The following CEP170B variants were observed in gnomAD, a reference collection of about 807,000 sequenced individuals.
CEP170B encodes centrosomal protein 170B.
CEP170B carries 55 observed loss-of-function variants against 120.6 expected under a neutral mutation model. The ratio of observed to expected loss-of-function variants is 0.46; its 90% CI spans 0.37 to 0.57. CEP170B has a LOEUF of 0.57. Among genes scored for constraint, CEP170B ranks in the 20% least tolerant of loss-of-function variants. The pLI is 0.00. For missense variants in CEP170B, 2,212 were observed against 2,253.3 expected (o/e 0.98, Z 0.37); for synonymous variants, 1,033 against 954.5 (o/e 1.08, Z -1.52).
chr14:104,877,857 C>A (rs762764595), intron 3 of CEP170B, 28 bp from the exon 4 acceptor site: 7 of 906,194 alleles, frequency 7.7e-6, no homozygotes, highest in East Asian at 3.8e-5. Flanking sequence ...CAGCTCCCCC[C>A]CCCCCCCCGC....
At position 104,886,131 on chromosome 14, in the gene CEP170B, G is replaced by A; in HGVS notation, c.2035+1G>A. 6.5e-7 allele frequency: 1 copy of A among 1,535,310 alleles called. No individual in the cohort carries two copies. Among genetic ancestry groups the A allele is most frequent in the Non-Finnish European group, 8.8e-7 (1 of 1,141,908 alleles). On this transcript the variant is annotated splice_donor_variant, in intron 11 of 18. Coordinates refer to ENST00000414716, the MANE Select transcript of CEP170B (RefSeq NM_001112726.3). LOFTEE classifies it high-confidence loss of function. ...AGCTACTCAGACCCGGGCCTCACAG[G>A]TAAGTGGCTCCAGTGCTGCGGGGGA...
In CEP170B at chr14:104,895,086, C is replaced by CGT; in HGVS notation, c.*129_*130insTG. 1 of 1,119,888 alleles carries CGT rather than the reference C, an allele frequency of 8.9e-7. No individual in the cohort carries two copies. Among genetic ancestry groups the CGT allele is most frequent in the Non-Finnish European group, 1.2e-6 (1 of 813,520 alleles). 69.4% of individuals were successfully genotyped at this position (1,119,888 alleles called of 1,614,324 possible). Reference sequence around the variant, plus strand: ...CCCACATGTGCCATATCCCTGTGGGCGGGTGCCTCCCACGCCCTTGCCCCC... The same window carrying CGT: ...CCCACATGTGCCATATCCCTGTGGGCGTGGGTGCCTCCCACGCCCTTGCCCCC... On this transcript the variant is annotated 3_prime_UTR_variant, in exon 19 of 19. Coordinates refer to ENST00000414716, the MANE Select transcript of CEP170B (RefSeq NM_001112726.3).
At chr14:104,880,093 C>T (rs1896066244) in intron 5 of CEP170B, among the ~76,000 whole-genome samples, 194 bp from the exon 6 acceptor site, 1 of 152,300 alleles carries the variant, frequency 6.6e-6, no homozygotes, top group East Asian at 1.9e-4. Flanking sequence ...CCTCCCCAGG[C>T]TTGAGCTGGA....
Position 104,894,731 on chromosome 14 carries a change from C to G in CEP170B, c.4438C>G (p.Pro1480Ala). The G allele has an allele frequency of 6.3e-7, 1 of 1,589,698 alleles. No homozygotes were observed. The highest frequency in any genetic ancestry group is 8.6e-7 in the Non-Finnish European group (1 of 1,166,800). Residue 1480 changes from proline to alanine, a missense_variant, in exon 19 of 19, where the codon CCC becomes GCC. This residue lies in a region of CEP170B where 2,166 missense variants were observed against 2,166.7 expected (regional missense o/e 1.00). Coordinates refer to ENST00000414716, the MANE Select transcript of CEP170B (RefSeq NM_001112726.3). ...QLEVINAIVD[P>A]SGSLDLLTGN... is the part of the protein sequence containing the mutation. ...TCCAGTTATCAATGCCATCGTGGAC[C>G]CCAGTGGGAGCCTGGACCTGCTCAC...
In CEP170B at chr14:104,883,020, A is replaced by G; in HGVS notation, c.578-15A>G. ...TTACCCTGAGGCCCGGTCTGAAGACATCTTCCCACACCAGAGCGCCCCAAG... is the reference window on the plus strand; with the variant it reads ...TTACCCTGAGGCCCGGTCTGAAGACGTCTTCCCACACCAGAGCGCCCCAAG... On this transcript the variant is annotated splice_polypyrimidine_tract_variant and intron_variant, in intron 7 of 18. Coordinates refer to ENST00000414716, the MANE Select transcript of CEP170B (RefSeq NM_001112726.3). The G allele has an allele frequency of 6.7e-7, 1 of 1,496,176 alleles. No individual in the cohort carries two copies. The highest frequency in any genetic ancestry group is 8.9e-7 in the Non-Finnish European group (1 of 1,122,320). The allele number at this position is 1,496,176 out of a possible 1,614,324, so 92.7% of individuals were successfully genotyped here. A position where few individuals can be genotyped will look rare whatever the true frequency, so the allele number is the denominator to read the frequency against.
In CEP170B at chr14:104,872,423, CCGTGCGTGTGTG is replaced by C. The variant is rs1566852634; in HGVS notation, c.106-3828_106-3817del. Among the ~76,000 whole-genome samples, 399 of 59,242 alleles carry C rather than the reference CCGTGCGTGTGTG, an allele frequency of 6.7e-3. 13 individuals carry two copies. Among genetic ancestry groups the C allele is most frequent in the Middle Eastern group, 0.034 (2 of 58 alleles). 38.9% of individuals were successfully genotyped at this position (59,242 alleles called of 152,430 possible). ...TGTGCGTGGGTGTGCCGTGGGTGTG[CCGTGCGTGTGTG>C]CGTGTGTGTGCCATGTGTGTGCGTG... On this transcript the variant is annotated intron_variant, in intron 2 of 18. Transcript: ENST00000414716.
At position 104,887,562 on chromosome 14, in the gene CEP170B, C is replaced by T. The variant is rs369455823; in HGVS notation, c.3323C>T (p.Ala1108Val). 3.7e-6 allele frequency: 6 copies of T among 1,601,752 alleles called. No individual in the cohort carries two copies. In the African/African-American group the frequency reaches 8.0e-5, roughly 21 times the overall value. The part of the protein sequence containing the change: ...SSASSQKGPQ[A>V]LTRSNSLSTP... ...GCCAGCTCCCAGAAGGGGCCGCAGGCCTTGACCCGCTCCAACAGCCTGTCC... is the reference window on the plus strand; with the variant it reads ...GCCAGCTCCCAGAAGGGGCCGCAGGTCTTGACCCGCTCCAACAGCCTGTCC... The change falls in exon 12 of 19, where the codon GCC becomes GTC. Residue 1108 changes from alanine to valine, a missense_variant. Physicochemically the swap from Ala to Val is moderately conservative, Grantham distance 64 (BLOSUM62 0). Around this residue, in one of 2 missense-constraint regions of CEP170B, gnomAD observed 2,166 missense variants for 2,166.7 expected, o/e 1.00. Coordinates refer to ENST00000414716, the MANE Select transcript of CEP170B (RefSeq NM_001112726.3).
rs777670817 is a variant in CEP170B, at chr14:104,887,016, C to G, written c.2777C>G (p.Ala926Gly). ...ETETALAALE[A>G]RLLSNSVDAE... ...GAGACGGCCCTGGCGGCCCTGGAGG[C>G]CCGACTCCTCTCTAATTCTGTGGAT... Residue 926 changes from alanine to glycine, a missense_variant, in exon 12 of 19, where the codon GCC becomes GGC. Around this residue, in one of 2 missense-constraint regions of CEP170B, gnomAD observed 2,166 missense variants for 2,166.7 expected, o/e 1.00. Transcript: ENST00000414716. The G allele has an allele frequency of 1.2e-6, 2 of 1,610,356 alleles. No homozygotes were observed. The highest frequency in any genetic ancestry group is 2.7e-5 in the African/African-American group (2 of 74,944).
At position 104,894,827 on chromosome 14, in the gene CEP170B, C is replaced by A; in HGVS notation, c.4534C>A (p.Pro1512Thr). 1 of 1,607,234 alleles carries A rather than the reference C, an allele frequency of 6.2e-7. No homozygotes were observed. Among genetic ancestry groups the A allele is most frequent in the East Asian group, 2.2e-5 (1 of 44,710 alleles). The change falls in exon 19 of 19, where the codon CCC (proline) becomes ACC (threonine). Residue 1512 changes from proline to threonine, a missense_variant. By Grantham distance (38) the Pro-to-Thr change is conservative. Coordinates refer to ENST00000414716, the MANE Select transcript of CEP170B (RefSeq NM_001112726.3). ...GKGRVAAQSPPSPASAEALLP... is the reference protein window; with the variant it reads ...GKGRVAAQSPTSPASAEALLP... Reference sequence around the variant, plus strand: ...GGGCCGCGTGGCTGCCCAGAGCCCACCCTCACCCGCCTCAGCCGAGGCCCT... The same window carrying A: ...GGGCCGCGTGGCTGCCCAGAGCCCAACCTCACCCGCCTCAGCCGAGGCCCT...
chr14:104,886,169 C>G (rs908265598), intron 11 of CEP170B, 39 bp downstream of exon 11: 1 of 1,493,204 alleles, frequency 6.7e-7, no homozygotes, highest in East Asian at 2.5e-5. Flanking sequence ...CGGGCCAGGC[C>G]GGGGCGGGCC....
Position 104,891,071 on chromosome 14 carries a change from A to AGAGTGAG in CEP170B, c.3878+1313_3878+1314insGAGTGAG, listed in dbSNP as rs1896837788. ...GATGAGTGGGTGGGTGGATGGATGG[A>AGAGTGAG]TGGATGGATGGAGAGTGAGTGGGTG... On this transcript the variant is annotated intron_variant, in intron 13 of 18. Transcript: ENST00000414716. The surrounding 1 kb of genome is among the most constrained non-coding windows in gnomAD (Gnocchi z 4.3). Among the ~76,000 whole-genome samples, 4 of 135,098 alleles carry AGAGTGAG rather than the reference A, an allele frequency of 3.0e-5. No individual in the cohort carries two copies. The South Asian group carries it at 1.1e-3, about 36-fold the overall frequency. The allele number at this position is 135,098 out of a possible 152,430, so 88.6% of individuals were successfully genotyped here.
rs765918822 is a variant in CEP170B at position 104,887,514 on chromosome 14, G to T, written c.3275G>T (p.Arg1092Leu). ...PAAPPPSPAAREEQSRSSASS... is the reference protein window; with the variant it reads ...PAAPPPSPAALEEQSRSSASS... ...GCCCCACCGCCATCCCCAGCTGCCC[G>T]GGAGGAGCAGAGCCGTAGCTCAGCC... Residue 1092 changes from arginine to leucine, a missense_variant, in exon 12 of 19, where the codon CGG (arginine) becomes CTG (leucine). Arg to Leu is a moderately radical substitution (Grantham distance 102). Coordinates refer to ENST00000414716, the MANE Select transcript of CEP170B (RefSeq NM_001112726.3). The T allele has an allele frequency of 1.2e-6, 2 of 1,611,548 alleles. No homozygotes were observed. The highest frequency in any genetic ancestry group is 1.7e-6 in the Non-Finnish European group (2 of 1,179,560).
chr14:104,868,397 C>G lies in CEP170B; in HGVS notation c.-27-27C>G. 2 of 1,490,008 alleles carry G rather than the reference C, an allele frequency of 1.3e-6. No homozygotes were observed. The highest frequency in any genetic ancestry group is 1.2e-5 in the South Asian group (1 of 82,312). 92.3% of individuals were successfully genotyped at this position (1,490,008 alleles called of 1,614,324 possible). A position where few individuals can be genotyped will look rare whatever the true frequency, so the allele number is the denominator to read the frequency against. ...GGGCTAAGAACCAGGCCAGGGAGCC[C>G]CACTCTAACAATCCCCTCTTCCCCA... On this transcript the variant is annotated intron_variant, in intron 1 of 18. Transcript: ENST00000414716. The surrounding 1 kb of genome is among the most constrained non-coding windows in gnomAD (Gnocchi z 5.9).
chr14:104,890,989 G>GGA (rs1896831318), intron 13 of CEP170B, among the ~76,000 whole-genome samples: 6 of 93,828 alleles, frequency 6.4e-5, no homozygotes, highest in Admixed American at 1.1e-4. Flanking sequence ...GGATGGATGG[G>GGA]TGGGTGGGTG....
At chr14:104,874,792 A>C (rs1259565258) in intron 2 of CEP170B, among the ~76,000 whole-genome samples, 4 of 138,688 alleles carry the variant, frequency 2.9e-5, no homozygotes, top group African/African-American at 1.1e-4. Flanking sequence ...GGCTTGAGCC[A>C]GGCACCCAGG....
chr14:104,891,023 GTGGA>G lies in CEP170B; in HGVS notation c.3878+1288_3878+1291del, dbSNP rs796943744. On this transcript the variant is annotated intron_variant, in intron 13 of 18. Coordinates refer to ENST00000414716, the MANE Select transcript of CEP170B (RefSeq NM_001112726.3). The surrounding 1 kb of genome is among the most constrained non-coding windows in gnomAD (Gnocchi z 4.3). ...TGTGGATGGATGGATGAGTGGGTGGGTGGATGGATGGATGGATGGATGGATGAGT... is the reference window on the plus strand; with the variant it reads ...TGTGGATGGATGGATGAGTGGGTGGGTGGATGGATGGATGGATGGATGAGT... Among the ~76,000 whole-genome samples the G allele has an allele frequency of 3.6e-4, 42 of 118,294 alleles. No individual in the cohort carries two copies. Among genetic ancestry groups the G allele is most frequent in the South Asian group, 6.2e-4 (2 of 3,236 alleles). The allele number at this position is 118,294 out of a possible 152,430, so 77.6% of individuals were successfully genotyped here.
intron 1 of CEP170B, among the ~76,000 whole-genome samples, chr14:104,866,310 C>T (rs1305373458): frequency 6.6e-6 from 1 of 152,186 alleles, no homozygotes; most frequent in Non-Finnish European, 1.5e-5. Flanking sequence ...TCAGGGCGGG[C>T]CGCGGCAGGT....
chr14:104,885,909 G>T, intron 10 of CEP170B, 131 bp from the exon 11 acceptor site: 1 of 823,456 alleles, frequency 1.2e-6, no homozygotes. Flanking sequence ...TTGCTCATGC[G>T]GCAGGCCCTG....
chr14:104,880,461 G>A (rs761432369), intron 6 of CEP170B, 36 bp downstream of exon 6: 1 of 1,602,162 alleles, frequency 6.2e-7, no homozygotes, highest in Non-Finnish European at 8.5e-7. Context: ...TGAGCACACA[G>A]GGCCACTGCC....
Sources: gnomAD v4.1 joint callset for allele counts (sites outside exome capture counted in the v4.1 genomes callset) on GRCh38, gnomAD v4.1.1 for gene constraint, gnomAD v4.1.1 regional missense constraint, Gnocchi (gnomAD v3.1) non-coding constraint, MANE v1.5 for transcripts, NCBI Gene and HGNC (gene_info 2026-07-23, HGNC 2026-07-21) for gene names.